Variants in ZBED1 observed in about 807,000 individuals in gnomAD.
The protein encoded by ZBED1 is E3 SUMO-protein ligase ZBED1.
Under a neutral mutation model 49.7 loss-of-function variants are expected in ZBED1, and 19 were observed. That is an observed-to-expected ratio of 0.38 (90% CI 0.27 to 0.56). The LOEUF is 0.56. Among genes scored for constraint, ZBED1 ranks in the 20% least tolerant of loss-of-function variants. The pLI is 0.70. For missense variants in ZBED1, 806 were observed against 972.6 expected, an observed-to-expected ratio of 0.83 and a Z score of 2.28; for synonymous variants, 439 against 440.3, an observed-to-expected ratio of 1.00 and a Z score of 0.04.
chrX:2,491,362 G>A (rs1441941994), intron 1 of ZBED1, among the ~76,000 whole-genome samples: 3 of 152,292 alleles, frequency 2.0e-5, no homozygotes, highest in South Asian at 2.1e-4. Flanking sequence ...GAGTCACCGC[G>A]CCCAGCCTGA....
chrX:2,492,782 G>C (rs2045187704), intron 1 of ZBED1, among the ~76,000 whole-genome samples: 1 of 152,194 alleles, frequency 6.6e-6, no homozygotes, highest in Non-Finnish European at 1.5e-5. Flanking sequence ...TCCGGAGGGA[G>C]CGCAGCCCTG....
At chrX:2,499,996 A>C (rs5939518) in intron 1 of ZBED1, among the ~76,000 whole-genome samples, 33,700 of 152,040 alleles carry the variant, frequency 0.22, 4,099 homozygotes, top group South Asian at 0.41. Context: ...TCGGCAACAG[A>C]GCAAGACTTC....
At chrX:2,493,160 C>T (rs2045199514) in intron 1 of ZBED1, among the ~76,000 whole-genome samples, 1 of 152,162 alleles carries the variant, frequency 6.6e-6, no homozygotes, top group Non-Finnish European at 1.5e-5. Flanking sequence ...ATAACATGAC[C>T]GGGACTTCCA....
chrX:2,494,269 C>CAAT (rs2045228767), intron 1 of ZBED1, among the ~76,000 whole-genome samples: 1 of 150,824 alleles, frequency 6.6e-6, no homozygotes, highest in African/African-American at 2.4e-5. Context: ...TATATTATTA[C>CAAT]ATTATTATTA....
intron 1 of ZBED1, among the ~76,000 whole-genome samples, chrX:2,495,273 CATT>C (rs1478422405): frequency 2.6e-5 from 4 of 151,384 alleles, no homozygotes; most frequent in African/African-American, 9.7e-5. Context: ...TATATTTTAT[CATT>C]ATTATCATTA....
At chrX:2,498,383 C>T (rs1369328641) in intron 1 of ZBED1, among the ~76,000 whole-genome samples, 2 of 152,258 alleles carry the variant, frequency 1.3e-5, no homozygotes, top group Non-Finnish European at 1.5e-5. Context: ...ATAAAAAATG[C>T]CGTTTAGGAA....
chrX:2,493,161 G>A (rs2045199596), intron 1 of ZBED1, among the ~76,000 whole-genome samples: 1 of 152,300 alleles, frequency 6.6e-6, no homozygotes, highest in Non-Finnish European at 1.5e-5. Context: ...TAACATGACC[G>A]GGACTTCCAC....
rs781505323 is a variant in ZBED1, at chrX:2,488,740, C to G, written c.1980G>C (p.Glu660Asp). The change falls in exon 2 of 2, where the codon GAG (glutamate) becomes GAC (aspartate). Residue 660 changes from glutamate (E) to aspartate (D), a missense_variant. By Grantham distance (45) the Glu-to-Asp change is conservative. Transcript: ENST00000652001. The stretch of plus-strand genomic sequence containing the variant: ...GGCCCCACTCCCCCTCGTCCTGGTC[C>G]TCGGGTTCCGCCTCTGCCCCACTCC... ...NARSGAEAEP[E>D]DQDEGEWGLD... 2.5e-6 allele frequency: 4 copies of G among 1,613,872 alleles called. No individual in the cohort carries two copies.
intron 1 of ZBED1, among the ~76,000 whole-genome samples, chrX:2,493,222 C>A (rs1313444473): frequency 6.6e-6 from 1 of 152,142 alleles, no homozygotes; most frequent in Non-Finnish European, 1.5e-5. Context: ...TAGGGTGGGG[C>A]CCCTGGATTA....
intron 1 of ZBED1, among the ~76,000 whole-genome samples, chrX:2,496,797 A>C (rs1215568976): frequency 6.6e-6 from 1 of 150,724 alleles, no homozygotes; most frequent in Non-Finnish European, 1.5e-5. Flanking sequence ...TAAAAATATC[A>C]ATTGTTTTTA....
intron 1 of ZBED1, among the ~76,000 whole-genome samples, chrX:2,496,191 TG>T (rs1358972612): frequency 1.3e-5 from 2 of 152,034 alleles, no homozygotes; most frequent in Non-Finnish European, 2.9e-5. Flanking sequence ...TTTTTGTTTT[TG>T]TTTTTTTGTT....
At position 2,489,231 on chromosome X, in the gene ZBED1, C is replaced by A; in HGVS notation, c.1489G>T (p.Val497Leu). Residue 497 changes from valine (V) to leucine (L), a missense_variant, in exon 2 of 2, where the codon GTG (valine) becomes TTG (leucine). This residue lies in a region of ZBED1 where 749 missense variants were observed against 861.3 expected (regional missense o/e 0.87). Coordinates refer to ENST00000652001, the MANE Select transcript of ZBED1 (RefSeq NM_001171136.2). ...AGCAGGCCCTTGGCCTCTTCCACCA[C>A]GCGATTCTCCACCTGCTGCCGCTCG... ...AFERQQVENR[V>L]VEEAKGLLDK... is the part of the protein sequence containing the mutation. 6.2e-7 allele frequency: 1 copy of A among 1,613,962 alleles called. No individual in the cohort carries two copies. The highest frequency in any genetic ancestry group is 2.2e-5 in the East Asian group (1 of 44,882).
Position 2,487,810 on chromosome X carries a change from A to G in ZBED1, c.*825T>C, listed in dbSNP as rs1431893814. 2 of 151,882 alleles carry G rather than the reference A, an allele frequency of 1.3e-5. No individual in the cohort carries two copies. The highest frequency in any genetic ancestry group is 2.9e-5 in the Non-Finnish European group (2 of 67,962). The allele number at this position is 151,882 out of a possible 1,614,324, so 9.4% of individuals were successfully genotyped here. On this transcript the variant is annotated 3_prime_UTR_variant, in exon 2 of 2. Transcript: ENST00000652001. ...ATTTTTAACCGAACATTAAAAAAAA[A>G]GGTCTCTCTTTTTAAGAAGGGCATT... is the stretch of plus-strand genomic sequence containing the variant.
Position 2,489,870 on chromosome X carries a change from C to T in ZBED1, c.850G>A (p.Val284Ile), listed in dbSNP as rs780655943. 1.5e-5 allele frequency: 24 copies of T among 1,613,680 alleles called. No individual in the cohort carries two copies. The highest frequency in any genetic ancestry group is 2.7e-5 in the African/African-American group (2 of 74,936). Residue 284 changes from valine to isoleucine, a missense_variant, in exon 2 of 2, where the codon GTC (valine) becomes ATC (isoleucine). Physicochemically the swap from Val to Ile is conservative, Grantham distance 29 (BLOSUM62 3). This residue lies in a region of ZBED1 where 749 missense variants were observed against 861.3 expected (regional missense o/e 0.87). Transcript: ENST00000652001. ...DIVKACSLLD[V>I]AVHMPCLGHT... Reference sequence around the variant, plus strand: ...CCCAGGCAGGGCATGTGCACTGCGACGTCCAGCAGGGAGCACGCCTTCACG... The same window carrying T: ...CCCAGGCAGGGCATGTGCACTGCGATGTCCAGCAGGGAGCACGCCTTCACG...
chrX:2,497,200 G>C (rs2045307086), intron 1 of ZBED1, among the ~76,000 whole-genome samples: 1 of 152,132 alleles, frequency 6.6e-6, no homozygotes, highest in African/African-American at 2.4e-5. Flanking sequence ...TTTGAGACCA[G>C]CCTGACCAAC....
At position 2,488,959 on chromosome X, in the gene ZBED1, G is replaced by A. The variant is rs2045038257; in HGVS notation, c.1761C>T (p.Pro587=). 4 of 1,596,628 alleles carry A rather than the reference G, an allele frequency of 2.5e-6. No homozygotes were observed. The highest frequency in any genetic ancestry group is 2.3e-5 in the South Asian group (2 of 88,100). The part of the protein sequence containing the change: ...SQKVLGLNED[P]LKWWSDRLAL... ...CCAGGCGGTCTGACCACCACTTGAG[G>A]GGGTCTTCGTTGAGGCCAAGCACCT... Residue 587 remains proline (P), a synonymous_variant, in exon 2 of 2, where the codon CCC becomes CCT. Coordinates refer to ENST00000652001, the MANE Select transcript of ZBED1 (RefSeq NM_001171136.2).
intron 1 of ZBED1, chrX:2,500,579 TCGGGC>T (rs748431177): frequency 0.014 from 2,431 of 177,760 alleles, 61 homozygotes; most frequent in African/African-American, 0.048. Context: ...TCGGGCCGGG[TCGGGC>T]CGGGCCAGGC....
At chrX:2,494,248 T>C (rs973131274) in intron 1 of ZBED1, among the ~76,000 whole-genome samples, 60 of 151,948 alleles carry the variant, frequency 3.9e-4, no homozygotes, top group African/African-American at 1.2e-3. Context: ...CTGGTACCTG[T>C]AGCAAAGGCT....
At chrX:2,500,762 CAG>C in intron 1 of ZBED1, 53 bp downstream of exon 1, 1 of 931,224 alleles carries the variant, frequency 1.1e-6, no homozygotes, top group African/African-American at 1.8e-5. Flanking sequence ...GCCCCCGAGC[CAG>C]CCCGCGCCCA....
Sources: allele counts gnomAD v4.1 joint callset (sites outside exome capture counted in the v4.1 genomes callset), GRCh38; gene constraint gnomAD v4.1.1; regional missense constraint gnomAD v4.1.1; transcripts MANE v1.5; gene names NCBI Gene and HGNC (gene_info 2026-07-23, HGNC 2026-07-21).